RABGAP1: variants seen among roughly 807,000 people sequenced by gnomAD.
RABGAP1 encodes rab GTPase-activating protein 1.
RABGAP1 carries 23 observed loss-of-function variants against 137.6 expected under a neutral mutation model. The ratio of observed to expected loss-of-function variants is 0.17; its 90% CI spans 0.12 to 0.24. The LOEUF (loss-of-function observed/expected upper bound fraction) is 0.24, where lower values mean the gene tolerates loss of function less well. Ranked by LOEUF, RABGAP1 falls within the 10% of genes least tolerant of loss-of-function variation. The pLI, the probability that RABGAP1 is intolerant of heterozygous loss-of-function variation, is 1.00. For missense variants in RABGAP1, 906 were observed against 1,275.8 expected (o/e 0.71, Z 4.42); for synonymous variants, 451 against 450.7 (o/e 1.00, Z -0.01).
Position 123,098,732 on chromosome 9 carries a change from T to C in RABGAP1, c.2751T>C (p.Arg917=), listed in dbSNP as rs752705365. The C allele has an allele frequency of 3.1e-6, 5 of 1,613,788 alleles. No homozygotes were observed. The South Asian group carries it at 5.5e-5, about 18-fold the overall frequency. Residue 917 remains arginine (R), a synonymous_variant, in exon 23 of 26, where the codon CGT becomes CGC. Coordinates refer to ENST00000373647, the MANE Select transcript of RABGAP1 (RefSeq NM_012197.4). ...GTGTGCAGTTAAAAGAAATGTGCCG[T>C]CGGGAACTCGACAAGGCAGAATCTG... The part of the protein sequence containing the change: ...EESAQLKEMC[R]RELDKAESEI...
In RABGAP1 at chr9:123,037,248, T is replaced by C. The variant is rs79446120; in HGVS notation, c.1794+16789T>C. Among the ~76,000 whole-genome samples the C allele has an allele frequency of 3.1e-4, 47 of 152,354 alleles. No homozygotes were observed. In the East Asian group the frequency reaches 6.4e-3, roughly 21 times the overall value. ...TTCCATCATGATGCCAGTGTTCTTA[T>C]GATTTTAGGCTTTAGACATCAACTT... On this transcript the variant is annotated intron_variant, in intron 13 of 25. Transcript: ENST00000373647.
intron 22 of RABGAP1, 52 bp downstream of exon 22, chr9:123,097,897 A>T: frequency 2.0e-6 from 3 of 1,499,602 alleles, no homozygotes; most frequent in Non-Finnish European, 2.7e-6. Flanking sequence ...GAGAACTGGG[A>T]GTTCAGCTGG....
At chr9:123,077,166 T>G (rs972206229) in intron 19 of RABGAP1, among the ~76,000 whole-genome samples, 3 of 35,252 alleles carry the variant, frequency 8.5e-5, no homozygotes, top group Non-Finnish European at 5.2e-4. Flanking sequence ...TTGTTTTTGT[T>G]TTTTTTTTTT....
At chr9:123,024,068 C>T (rs771329013) in intron 13 of RABGAP1, among the ~76,000 whole-genome samples, 1 of 152,034 alleles carries the variant, frequency 6.6e-6, no homozygotes, top group South Asian at 2.1e-4. Flanking sequence ...CCATTTTAAC[C>T]CAAGGACAAA....
chr9:123,074,551 G>C, intron 17 of RABGAP1, 123 bp downstream of exon 17: 1 of 1,127,214 alleles, frequency 8.9e-7, no homozygotes, highest in Non-Finnish European at 1.2e-6. Flanking sequence ...TTATTTTATT[G>C]CTAGGAAATC....
chr9:123,016,746 A>C (rs1475903407), intron 12 of RABGAP1, among the ~76,000 whole-genome samples: 2 of 152,134 alleles, frequency 1.3e-5, no homozygotes, highest in Non-Finnish European at 2.9e-5. Context: ...TTGGCCTGTT[A>C]CTTTGGGGTT....
At chr9:122,977,125 G>A (rs1835801790) in intron 2 of RABGAP1, among the ~76,000 whole-genome samples, 1 of 152,184 alleles carries the variant, frequency 6.6e-6, no homozygotes, top group Non-Finnish European at 1.5e-5. Context: ...TTAAAAACAA[G>A]GCAGTGCTTG....
chr9:122,950,014 A>G (rs919786258), intron 1 of RABGAP1, among the ~76,000 whole-genome samples: 4 of 152,356 alleles, frequency 2.6e-5, no homozygotes, highest in Admixed American at 2.6e-4. Context: ...TAGAATGGAA[A>G]TTGGCTCCAG....
chr9:122,970,061 C>T (rs930566937), intron 2 of RABGAP1, among the ~76,000 whole-genome samples: 1 of 146,108 alleles, frequency 6.8e-6, no homozygotes, highest in Non-Finnish European at 1.5e-5. Context: ...CAGTGTGCCA[C>T]CATATCCGGC....
chr9:123,011,563 A>C (rs2030812059), intron 11 of RABGAP1, among the ~76,000 whole-genome samples: 1 of 152,208 alleles, frequency 6.6e-6, no homozygotes, highest in South Asian at 2.1e-4. Flanking sequence ...TCAATTTAGC[A>C]TCATTTATTA....
chr9:122,957,135 G>T lies in RABGAP1; in HGVS notation c.76G>T (p.Val26Phe), dbSNP rs1296780647. ...ATCTACTCTTAATAGTGAAGATTTT[G>T]TCTTGGTTTCCAGGCAAGGAGATGA... ...SVSTLNSEDFVLVSRQGDETP... is the reference protein window; with the variant it reads ...SVSTLNSEDFFLVSRQGDETP... Residue 26 changes from valine to phenylalanine, a missense_variant, in exon 2 of 26, where the codon GTC becomes TTC. Coordinates refer to ENST00000373647, the MANE Select transcript of RABGAP1 (RefSeq NM_012197.4). 6.4e-7 allele frequency: 1 copy of T among 1,572,744 alleles called. No individual in the cohort carries two copies. The highest frequency in any genetic ancestry group is 1.7e-5 in the Admixed American group (1 of 59,738).
At chr9:123,034,529 G>A (rs1340370106) in intron 13 of RABGAP1, 1 of 1,327,294 alleles carries the variant, frequency 7.5e-7, no homozygotes, top group Non-Finnish European at 1.1e-6. Flanking sequence ...CAGCAGCCAA[G>A]CGGCAGCATG....
intron 21 of RABGAP1, among the ~76,000 whole-genome samples, chr9:123,093,377 G>C (rs2035086435): frequency 6.6e-6 from 1 of 152,180 alleles, no homozygotes; most frequent in Non-Finnish European, 1.5e-5. Flanking sequence ...GTGTTAAAAG[G>C]ATGAGGGGAA....
chr9:123,057,926 G>A (rs913429567), intron 13 of RABGAP1, among the ~76,000 whole-genome samples: 53 of 152,140 alleles, frequency 3.5e-4, no homozygotes, highest in African/African-American at 1.2e-3. Context: ...GGCGGCGCGC[G>A]CCTGCAATCA....
intron 21 of RABGAP1, among the ~76,000 whole-genome samples, chr9:123,091,845 G>A (rs941698256): frequency 2.6e-5 from 4 of 151,894 alleles, no homozygotes; most frequent in African/African-American, 7.3e-5. Context: ...TCCTCCTTAC[G>A]GTGCAAATTC....
chr9:123,056,481 CT>C (rs530004900), intron 13 of RABGAP1, among the ~76,000 whole-genome samples: 2,404 of 131,798 alleles, frequency 0.018, 12 homozygotes, highest in Non-Finnish European at 0.023. Context: ...TTTCTTTTTT[CT>C]TTTTTTTTTT....
intron 23 of RABGAP1, 38 bp from the exon 24 acceptor site, chr9:123,099,440 T>C: frequency 1.3e-6 from 2 of 1,544,228 alleles, no homozygotes; most frequent in Admixed American, 1.7e-5. Context: ...ATGATTACAA[T>C]TGCTCAAGAG....
rs142223564 is a variant in RABGAP1 at position 123,000,350 on chromosome 9, C to T, written c.1374+1584C>T. Among the ~76,000 whole-genome samples the T allele has an allele frequency of 9.2e-5, 14 of 151,924 alleles. No homozygotes were observed. In the East Asian group the frequency reaches 2.5e-3, roughly 27 times the overall value. On this transcript the variant is annotated intron_variant, in intron 10 of 25. Transcript: ENST00000373647. ...CTAAAATCTCTGTTCCAATCTTTTA[C>T]TCTTTTTTGGCCCCCAGTTGTTCTA...
intron 10 of RABGAP1, among the ~76,000 whole-genome samples, chr9:122,999,314 G>T (rs2037388240): frequency 1.5e-4 from 1 of 6,700 alleles, no homozygotes; most frequent in Non-Finnish European, 0.012. Context: ...CTCCCGAGTA[G>T]CTGGGACTAA....
Sources: allele counts gnomAD v4.1 joint callset (sites outside exome capture counted in the v4.1 genomes callset), GRCh38; gene constraint gnomAD v4.1.1; transcripts MANE v1.5; gene names NCBI Gene and HGNC (gene_info 2026-07-23, HGNC 2026-07-21).